Variants in MELK observed in about 807,000 individuals in gnomAD.
The protein encoded by MELK is maternal embryonic leucine zipper kinase.
A neutral mutation model predicts 85.0 loss-of-function variants in MELK; 81 were observed. The observed-to-expected ratio is 0.95, with a 90% CI of 0.80 to 1.15. The LOEUF is 1.15. MELK is among the 50% of genes most tolerant of loss of function. The pLI, the probability that MELK is intolerant of heterozygous loss-of-function variation, is 0.00. For missense variants in MELK, 754 were observed against 777.5 expected (o/e 0.97, Z 0.36); for synonymous variants, 252 against 265.0 (o/e 0.95, Z 0.48).
intron 8 of MELK, among the ~76,000 whole-genome samples, chr9:36,621,275 GAAAA>G (rs74181196): frequency 1.5e-3 from 49 of 32,336 alleles, no homozygotes; most frequent in Non-Finnish European, 2.4e-3. Flanking sequence ...CTGTCTCAGG[GAAAA>G]AAAAAAAAAA....
At chr9:36,649,907 A>C (rs1308095719) in intron 11 of MELK, among the ~76,000 whole-genome samples, 2 of 152,166 alleles carry the variant, frequency 1.3e-5, no homozygotes, top group African/African-American at 4.8e-5. Flanking sequence ...CAACATAGTG[A>C]GATCCTATCT....
At chr9:36,630,608 C>G (rs545939777) in intron 9 of MELK, among the ~76,000 whole-genome samples, 17 of 152,286 alleles carry the variant, frequency 1.1e-4, no homozygotes, top group Non-Finnish European at 1.2e-4. Context: ...TTTTCTCTAA[C>G]TAGTTCTTGT....
In MELK at chr9:36,615,433, A is replaced by G. The variant is rs1295528634; in HGVS notation, c.666+7760A>G. On this transcript the variant is annotated intron_variant, in intron 8 of 17. Transcript: ENST00000298048. ...TCCCTCCCGGACGGCACGGCTGGCC[A>G]GGCGGGGGGCTGACCCCCCCACCTC... Among the ~76,000 whole-genome samples the G allele has an allele frequency of 5.3e-3, 405 of 76,528 alleles. 6 individuals carry two copies. Among genetic ancestry groups the G allele is most frequent in the Admixed American group, 0.032 (253 of 7,866 alleles). The allele number at this position is 76,528 out of a possible 152,430, so 50.2% of individuals were successfully genotyped here. A position where few individuals can be genotyped will look rare whatever the true frequency, so the allele number is the denominator to read the frequency against.
intron 12 of MELK, among the ~76,000 whole-genome samples, chr9:36,653,735 T>C (rs1830940642): frequency 6.6e-6 from 1 of 152,142 alleles, no homozygotes; most frequent in Non-Finnish European, 1.5e-5. Flanking sequence ...CACAATTGAC[T>C]GTGTGGATGA....
intron 1 of MELK, among the ~76,000 whole-genome samples, chr9:36,579,566 C>T (rs1438950791): frequency 1.3e-5 from 2 of 152,224 alleles, no homozygotes; most frequent in Non-Finnish European, 1.5e-5. Context: ...TCCATTATAG[C>T]CCTAGTGCCA....
chr9:36,580,070 C>T (rs1822057453), intron 1 of MELK, among the ~76,000 whole-genome samples: 1 of 126,850 alleles, frequency 7.9e-6, no homozygotes, highest in Admixed American at 9.5e-5. Context: ...TATTTTGAGA[C>T]AGAATCTCGC....
Position 36,669,369 on chromosome 9 carries a change from G to A in MELK, c.1468G>A (p.Asp490Asn). 1 of 1,608,198 alleles carries A rather than the reference G, an allele frequency of 6.2e-7. No homozygotes were observed. The highest frequency in any genetic ancestry group is 8.5e-7 in the Non-Finnish European group (1 of 1,177,908). ...IKIPVNSTGT[D>N]KLMTGVISPE... The stretch of plus-strand genomic sequence containing the variant: ...AATACCAGTAAATTCAACAGGAACA[G>A]ACAAGTTAATGACAGGTGTCATTAG... The change falls in exon 15 of 18, where the codon GAC becomes AAC. Residue 490 changes from aspartate to asparagine, a missense_variant. Physicochemically the swap from Asp to Asn is conservative, Grantham distance 23. Transcript: ENST00000298048.
At chr9:36,639,238 A>G (rs531899964) in intron 10 of MELK, among the ~76,000 whole-genome samples, 19 of 152,346 alleles carry the variant, frequency 1.2e-4, no homozygotes, top group Non-Finnish European at 2.2e-4. Context: ...TTGTATCATT[A>G]ATCTCTTTTG....
chr9:36,638,410 C>T (rs559757029), intron 10 of MELK, among the ~76,000 whole-genome samples: 7 of 152,112 alleles, frequency 4.6e-5, no homozygotes, highest in African/African-American at 9.6e-5. Flanking sequence ...CTTAGCCTTC[C>T]GAGTAGCTGG....
intron 8 of MELK, among the ~76,000 whole-genome samples, chr9:36,616,343 C>T (rs1407997210): frequency 6.8e-6 from 1 of 146,550 alleles, no homozygotes; most frequent in Non-Finnish European, 1.5e-5. Context: ...ACCCGAGTAG[C>T]TAGAAAGTTG....
chr9:36,626,523 A>G (rs1033134533), intron 8 of MELK, among the ~76,000 whole-genome samples: 4 of 152,204 alleles, frequency 2.6e-5, no homozygotes, highest in Non-Finnish European at 5.9e-5. Flanking sequence ...TATAGCTTAG[A>G]AGGTGTATAG....
At chr9:36,617,070 A>G (rs1826906490) in intron 8 of MELK, among the ~76,000 whole-genome samples, 1 of 152,210 alleles carries the variant, frequency 6.6e-6, no homozygotes, top group Non-Finnish European at 1.5e-5. Flanking sequence ...TGAATATAAT[A>G]AATCTGTAAG....
At chr9:36,642,370 C>T (rs1428541170) in intron 10 of MELK, among the ~76,000 whole-genome samples, 3 of 137,672 alleles carry the variant, frequency 2.2e-5, no homozygotes. Flanking sequence ...CAATGCAGGT[C>T]TTGTGGTAGG....
intron 8 of MELK, 87 bp from the exon 9 acceptor site, chr9:36,630,200 GTCTTCAAGCTTA>G: frequency 1.1e-6 from 1 of 869,640 alleles, no homozygotes; most frequent in Non-Finnish European, 1.9e-6. Flanking sequence ...GTTGGGTGAA[GTCTTCAAGCTTA>G]AAAGTAAACC....
At chr9:36,616,901 G>A (rs1260217205) in intron 8 of MELK, among the ~76,000 whole-genome samples, 1 of 147,262 alleles carries the variant, frequency 6.8e-6, no homozygotes, top group Non-Finnish European at 1.5e-5. Context: ...TCCCTTAGCA[G>A]TGTGTCTTGG....
intron 17 of MELK, among the ~76,000 whole-genome samples, chr9:36,675,628 G>A (rs142044190): frequency 3.2e-4 from 48 of 152,124 alleles, no homozygotes; most frequent in African/African-American, 1.0e-3. Flanking sequence ...TGTTTTACAG[G>A]GCTGGGTTTT....
chr9:36,646,685 A>G (rs543799231), intron 11 of MELK, among the ~76,000 whole-genome samples: 198 of 152,256 alleles, frequency 1.3e-3, no homozygotes, highest in African/African-American at 4.2e-3. Flanking sequence ...GAACCTATTC[A>G]GTCCAGGACA....
chr9:36,583,454 T>TA (rs11384385), intron 2 of MELK, among the ~76,000 whole-genome samples, 173 bp from the exon 3 acceptor site: 7,449 of 136,414 alleles, frequency 0.055, 583 homozygotes, highest in African/African-American at 0.18. Context: ...CTATCATGGT[T>TA]AAAAAAAAAA....
intron 3 of MELK, among the ~76,000 whole-genome samples, chr9:36,586,930 C>T (rs1274979012): frequency 6.6e-6 from 1 of 151,968 alleles, no homozygotes; most frequent in Non-Finnish European, 1.5e-5. Context: ...GGCACGATCT[C>T]GGCTCACTGC....
Sources: gnomAD v4.1 joint callset for allele counts (sites outside exome capture counted in the v4.1 genomes callset) on GRCh38, gnomAD v4.1.1 for gene constraint, MANE v1.5 for transcripts, NCBI Gene and HGNC (gene_info 2026-07-23, HGNC 2026-07-21) for gene names.